TOX: variants seen among roughly 807,000 people sequenced by gnomAD.
TOX encodes the protein thymocyte selection associated high mobility group box, also known as thymocyte selection-associated high mobility group box protein TOX.
TOX carries 11 observed loss-of-function variants against 53.7 expected under a neutral mutation model. The observed-to-expected ratio is 0.20, with a 90% CI of 0.13 to 0.34. The LOEUF (loss-of-function observed/expected upper bound fraction) is 0.34. Among genes scored for constraint, TOX ranks in the 10% least tolerant of loss-of-function variants. The pLI, the probability that TOX is intolerant of heterozygous loss-of-function variation, is 1.00. For synonymous variants in TOX, 225 were observed against 245.3 expected (o/e 0.92, Z 0.77); for missense variants, 570 against 664.6 (o/e 0.86, Z 1.56).
intron 5 of TOX, among the ~76,000 whole-genome samples, chr8:58,830,431 T>G (rs1355759298): frequency 6.6e-6 from 1 of 152,214 alleles, no homozygotes; most frequent in Non-Finnish European, 1.5e-5. Flanking sequence ...AGTGATTCAC[T>G]GAGGCATTTT....
At chr8:58,865,692 G>A (rs34404259) in intron 3 of TOX, among the ~76,000 whole-genome samples, 2 of 151,904 alleles carry the variant, frequency 1.3e-5, no homozygotes, top group African/African-American at 4.8e-5. Context: ...AAGAAAATAT[G>A]AGTCAGCTAA....
chr8:58,826,305 C>T (rs1374143888), intron 6 of TOX, among the ~76,000 whole-genome samples: 1 of 152,162 alleles, frequency 6.6e-6, no homozygotes, highest in Non-Finnish European at 1.5e-5. Context: ...ACCAATCAGT[C>T]AACTCTTGGG....
chr8:58,932,001 G>A (rs966620848), intron 3 of TOX, among the ~76,000 whole-genome samples: 2 of 152,066 alleles, frequency 1.3e-5, no homozygotes, highest in Non-Finnish European at 2.9e-5. Context: ...GCCCCAAATC[G>A]TTAACATACT....
At chr8:59,113,253 G>C (rs940538781) in intron 1 of TOX, among the ~76,000 whole-genome samples, 37 of 152,130 alleles carry the variant, frequency 2.4e-4, no homozygotes, top group Non-Finnish European at 5.1e-4. Context: ...ATGTTTAAGG[G>C]GCTTATCTCT....
At chr8:58,871,846 T>A (rs1811204248) in intron 3 of TOX, among the ~76,000 whole-genome samples, 1 of 152,134 alleles carries the variant, frequency 6.6e-6, no homozygotes, top group South Asian at 2.1e-4. Context: ...TATGGAAATA[T>A]TTATAGATAT....
At chr8:58,921,506 T>C (rs961352742) in intron 3 of TOX, among the ~76,000 whole-genome samples, 9 of 152,220 alleles carry the variant, frequency 5.9e-5, no homozygotes, top group Admixed American at 5.9e-4. Context: ...CCATATAAGT[T>C]AAGTGACTTA....
rs142287151 is a variant in TOX, at chr8:59,113,294, G to C, written c.102+5592C>G. ...CTAAATACACTGCATAAAATGGTAGGGGGTGTGGAAGGGACACTATGATAG... is the reference window on the plus strand; with the variant it reads ...CTAAATACACTGCATAAAATGGTAGCGGGTGTGGAAGGGACACTATGATAG... On this transcript the variant is annotated intron_variant, in intron 1 of 8. Transcript: ENST00000361421. 3.1e-3 allele frequency among the ~76,000 whole-genome samples: 474 copies of C among 152,280 alleles called. 2 individuals are homozygous for C. The highest frequency in any genetic ancestry group is 9.9e-3 in the African/African-American group (412 of 41,562).
chr8:59,008,603 C>A (rs938238199), intron 1 of TOX, among the ~76,000 whole-genome samples: 1 of 152,086 alleles, frequency 6.6e-6, no homozygotes, highest in Non-Finnish European at 1.5e-5. Flanking sequence ...TGACTCCCCC[C>A]ATGAGTCATT....
At chr8:59,028,980 C>T (rs1814298152) in intron 1 of TOX, among the ~76,000 whole-genome samples, 1 of 152,062 alleles carries the variant, frequency 6.6e-6, no homozygotes, top group Non-Finnish European at 1.5e-5. Context: ...TGAATTGAGG[C>T]TTCAGGAAAT....
At chr8:58,952,908 A>G (rs1812647245) in intron 2 of TOX, among the ~76,000 whole-genome samples, 1 of 152,198 alleles carries the variant, frequency 6.6e-6, no homozygotes, top group Non-Finnish European at 1.5e-5. Flanking sequence ...AATGAGTAGA[A>G]ACTGGCAATC....
chr8:58,819,576 G>A (rs1206482137), intron 6 of TOX, among the ~76,000 whole-genome samples: 2 of 152,220 alleles, frequency 1.3e-5, no homozygotes, highest in Non-Finnish European at 2.9e-5. Context: ...TATGCAAAAT[G>A]TATAAAGGAT....
At chr8:59,090,438 T>C (rs781567145) in intron 1 of TOX, among the ~76,000 whole-genome samples, 2 of 152,218 alleles carry the variant, frequency 1.3e-5, no homozygotes, top group African/African-American at 2.4e-5. Flanking sequence ...GTGTCAGGTA[T>C]CCTTTATGTA....
At chr8:58,990,330 T>G (rs1813418008) in intron 1 of TOX, among the ~76,000 whole-genome samples, 1 of 152,168 alleles carries the variant, frequency 6.6e-6, no homozygotes, top group African/African-American at 2.4e-5. Context: ...GAGACTTGTT[T>G]TTTCAATCCC....
intron 1 of TOX, among the ~76,000 whole-genome samples, chr8:59,110,823 G>A (rs1178106099): frequency 2.0e-5 from 3 of 152,058 alleles, no homozygotes; most frequent in Middle Eastern, 6.8e-3. Context: ...TGACTCTCCG[G>A]AAAGGTTATC....
chr8:58,976,736 G>A (rs1813107728), intron 1 of TOX, among the ~76,000 whole-genome samples: 1 of 152,204 alleles, frequency 6.6e-6, no homozygotes, highest in Non-Finnish European at 1.5e-5. Context: ...GTTGCAGAAT[G>A]GATGTTATGC....
intron 1 of TOX, among the ~76,000 whole-genome samples, chr8:58,979,903 A>G (rs1427656669): frequency 6.6e-6 from 1 of 152,226 alleles, no homozygotes; most frequent in African/African-American, 2.4e-5. Context: ...CAAACTGCGT[A>G]AGATAGAGCT....
At chr8:58,988,388 C>T (rs571695355) in intron 1 of TOX, among the ~76,000 whole-genome samples, 1 of 152,130 alleles carries the variant, frequency 6.6e-6, no homozygotes, top group Non-Finnish European at 1.5e-5. Context: ...ATGTCTATAG[C>T]CGTTCCCTGA....
intron 1 of TOX, among the ~76,000 whole-genome samples, chr8:58,998,595 A>C (rs1813627566): frequency 1.6e-5 from 2 of 123,030 alleles, no homozygotes; most frequent in Admixed American, 9.0e-5. Flanking sequence ...TTTATATGTA[A>C]TAAATTTATG....
At chr8:58,989,323 A>G (rs1413780065) in intron 1 of TOX, among the ~76,000 whole-genome samples, 1 of 152,144 alleles carries the variant, frequency 6.6e-6, no homozygotes, top group African/African-American at 2.4e-5. Flanking sequence ...CTCAAAAAAA[A>G]AAAAACTTTA....
Sources: allele counts gnomAD v4.1 joint callset (sites outside exome capture counted in the v4.1 genomes callset), GRCh38; gene constraint gnomAD v4.1.1; transcripts MANE v1.5; gene names NCBI Gene and HGNC (gene_info 2026-07-23, HGNC 2026-07-21).